Variants in EYS observed in about 807,000 individuals in gnomAD.
The protein encoded by EYS is protein eyes shut homolog.
A neutral mutation model predicts 282.1 loss-of-function variants in EYS; 250 were observed. That is an observed-to-expected ratio of 0.89 (90% CI 0.80 to 0.98). The LOEUF is 0.98. EYS is among the 50% of genes least tolerant of loss of function. The pLI, the probability that EYS is intolerant of heterozygous loss-of-function variation, is 0.00. For missense variants in EYS, 4,016 were observed against 3,709.0 expected (o/e 1.08, Z -2.15); for synonymous variants, 1,355 against 1,282.9 (o/e 1.06, Z -1.20).
chr6:64,161,581 A>C (rs1706761852), intron 31 of EYS, among the ~76,000 whole-genome samples: 1 of 152,350 alleles, frequency 6.6e-6, no homozygotes, highest in East Asian at 1.9e-4. Flanking sequence ...TTGAAAGAAG[A>C]TAAAAGGCAC....
At chr6:64,082,595 C>T (rs989659015) in intron 31 of EYS, among the ~76,000 whole-genome samples, 1 of 151,936 alleles carries the variant, frequency 6.6e-6, no homozygotes, top group Non-Finnish European at 1.5e-5. Flanking sequence ...CTGTGACACA[C>T]AAAGGTTAGA....
At chr6:65,256,159 T>C (rs771707139) in intron 12 of EYS, among the ~76,000 whole-genome samples, 56 of 151,966 alleles carry the variant, frequency 3.7e-4, no homozygotes, top group Non-Finnish European at 6.2e-4. Context: ...TGAAGTACTA[T>C]TCAGTCATAA....
At chr6:65,037,203 G>A (rs1018108688) in intron 13 of EYS, among the ~76,000 whole-genome samples, 3 of 151,806 alleles carry the variant, frequency 2.0e-5, no homozygotes, top group Non-Finnish European at 4.4e-5. Context: ...TTGAATTAAT[G>A]CAAGAACAGG....
intron 7 of EYS, among the ~76,000 whole-genome samples, chr6:65,395,183 C>A (rs1293191790): frequency 6.6e-6 from 1 of 152,184 alleles, no homozygotes; most frequent in African/African-American, 2.4e-5. Context: ...CCTGCCTCAG[C>A]CTCCCAAGTA....
chr6:64,345,209 T>C (rs1771332082), intron 29 of EYS, among the ~76,000 whole-genome samples: 1 of 152,106 alleles, frequency 6.6e-6, no homozygotes. Context: ...ACTTTAAAGT[T>C]CATATGGAAC....
chr6:64,527,521 C>T (rs1004364394), intron 26 of EYS, among the ~76,000 whole-genome samples: 1 of 151,766 alleles, frequency 6.6e-6, no homozygotes, highest in Non-Finnish European at 1.5e-5. Flanking sequence ...ACACGACTAT[C>T]CTTGATATCT....
At chr6:65,147,297 T>C (rs1764503217) in intron 12 of EYS, among the ~76,000 whole-genome samples, 4 of 152,008 alleles carry the variant, frequency 2.6e-5, no homozygotes, top group Admixed American at 2.6e-4. Context: ...TGCACACACA[T>C]GTCATCTCTG....
At position 64,596,135 on chromosome 6, in the gene EYS, A is replaced by T. The variant is rs182338821; in HGVS notation, c.3685-2826T>A. 3.1e-3 allele frequency among the ~76,000 whole-genome samples: 479 copies of T among 152,246 alleles called. 6 individuals are homozygous for T. Among genetic ancestry groups the T allele is most frequent in the Non-Finnish European group, 4.7e-3 (323 of 68,016 alleles). ...AAATAACCAGATCTCACAGGAACTCACCAACTACTGCAACACCAGCAGAAA... is the reference window on the plus strand; with the variant it reads ...AAATAACCAGATCTCACAGGAACTCTCCAACTACTGCAACACCAGCAGAAA... On this transcript the variant is annotated intron_variant, in intron 24 of 42. Transcript: ENST00000503581.
intron 30 of EYS, among the ~76,000 whole-genome samples, chr6:64,237,330 G>T (rs772612992): frequency 6.6e-6 from 1 of 152,164 alleles, no homozygotes; most frequent in African/African-American, 2.4e-5. Flanking sequence ...TGCAGGTAAT[G>T]TATAGTAAAG....
chr6:65,512,086 A>G (rs2882615), intron 2 of EYS, among the ~76,000 whole-genome samples: 1 of 151,866 alleles, frequency 6.6e-6, no homozygotes, highest in East Asian at 1.9e-4. Flanking sequence ...AACTCTAATA[A>G]GTTGATCACC....
chr6:65,076,584 T>A (rs182030590), intron 12 of EYS, among the ~76,000 whole-genome samples: 21 of 152,124 alleles, frequency 1.4e-4, no homozygotes, highest in Non-Finnish European at 2.8e-4. Flanking sequence ...AACAAAATTA[T>A]GACTATTTTA....
At chr6:65,179,519 G>T (rs146342188) in intron 12 of EYS, among the ~76,000 whole-genome samples, 2,854 of 152,158 alleles carry the variant, frequency 0.019, 93 homozygotes, top group African/African-American at 0.064. Flanking sequence ...GGAAGAAGTT[G>T]AATCTCTGAA....
intron 33 of EYS, among the ~76,000 whole-genome samples, chr6:64,065,741 G>C (rs985005217): frequency 1.3e-5 from 2 of 151,960 alleles, no homozygotes; most frequent in Non-Finnish European, 2.9e-5. Flanking sequence ...TAATTTATTT[G>C]CTTGCACCAT....
At chr6:65,397,146 T>C (rs1766307414) in intron 7 of EYS, among the ~76,000 whole-genome samples, 1 of 151,984 alleles carries the variant, frequency 6.6e-6, no homozygotes, top group East Asian at 1.9e-4. Context: ...GGTAATTTCA[T>C]TGAGTTTCCT....
At chr6:64,074,200 A>G (rs1040926703) in intron 32 of EYS, among the ~76,000 whole-genome samples, 2 of 151,844 alleles carry the variant, frequency 1.3e-5, no homozygotes, top group East Asian at 3.9e-4. Flanking sequence ...TGTTAAGCAT[A>G]AAAGTGCTGC....
intron 22 of EYS, among the ~76,000 whole-genome samples, chr6:64,646,306 T>G (rs1768348172): frequency 6.6e-6 from 1 of 152,092 alleles, no homozygotes; most frequent in Non-Finnish European, 1.5e-5. Context: ...ATAATCAACT[T>G]TGGTAAAATG....
chr6:65,151,482 GC>G (rs1452925748), intron 12 of EYS, among the ~76,000 whole-genome samples: 1 of 151,984 alleles, frequency 6.6e-6, no homozygotes, highest in Non-Finnish European at 1.5e-5. Flanking sequence ...GATTCAGGCT[GC>G]CTCAGAAAAT....
chr6:63,804,305 C>T (rs886082683), intron 37 of EYS, among the ~76,000 whole-genome samples: 2 of 152,154 alleles, frequency 1.3e-5, no homozygotes, highest in Non-Finnish European at 1.5e-5. Flanking sequence ...CGTGAGTCAC[C>T]GCGCCTGGCC....
chr6:65,307,085 C>G (rs1769034147), intron 11 of EYS, among the ~76,000 whole-genome samples: 1 of 145,584 alleles, frequency 6.9e-6, no homozygotes, highest in Admixed American at 6.8e-5. Context: ...TGCCTCCATT[C>G]TGGCTGGCTG....
Sources: allele counts gnomAD v4.1 joint callset (sites outside exome capture counted in the v4.1 genomes callset), GRCh38; gene constraint gnomAD v4.1.1; transcripts MANE v1.5; gene names NCBI Gene and HGNC (gene_info 2026-07-23, HGNC 2026-07-21).